The following ASH1L variants were observed in gnomAD, a reference collection of about 807,000 sequenced individuals.
ASH1L encodes the protein histone-lysine N-methyltransferase ASH1L.
ASH1L carries 23 observed loss-of-function variants against 269.0 expected under a neutral mutation model. That is an observed-to-expected ratio of 0.09 (90% confidence interval 0.06 to 0.12). ASH1L has a LOEUF of 0.12. Ranked by LOEUF, ASH1L falls within the 10% of genes least tolerant of loss-of-function variation. The probability of loss-of-function intolerance (pLI) is 1.00; values close to 1 mark genes in which losing one functional copy is unlikely to be tolerated. For missense variants in ASH1L, 2,912 were observed against 3,567.8 expected, an observed-to-expected ratio of 0.82 and a Z score of 4.68; for synonymous variants, 1,187 against 1,253.5, an observed-to-expected ratio of 0.95 and a Z score of 1.12.
intron 5 of ASH1L, chr1:155,433,972 C>T: frequency 3.2e-6 from 5 of 1,582,396 alleles, no homozygotes; most frequent in Non-Finnish European, 4.3e-6. Flanking sequence ...GCCACATCGC[C>T]CAGCAGCTTG....
At chr1:155,413,813 C>T (rs566695063) in intron 6 of ASH1L, among the ~76,000 whole-genome samples, 1 of 152,028 alleles carries the variant, frequency 6.6e-6, no homozygotes, top group Non-Finnish European at 1.5e-5. Context: ...CCATTATGAA[C>T]TTTGAACTAC....
chr1:155,521,446 G>A lies in ASH1L; in HGVS notation c.74C>T (p.Ala25Val), dbSNP rs1470664170. The change falls in exon 2 of 28, where the codon GCC becomes GTC. Residue 25 changes from alanine to valine, a missense_variant. Physicochemically the swap from Ala to Val is moderately conservative, Grantham distance 64 (BLOSUM62 0). Coordinates refer to ENST00000392403, the MANE Select transcript of ASH1L (RefSeq NM_018489.3). ...ACTGACCAATGTGCCAGTACTGATGGCAGAAGGACTCTTTCTTGAAAAACC... is the reference window on the plus strand; with the variant it reads ...ACTGACCAATGTGCCAGTACTGATGACAGAAGGACTCTTTCTTGAAAAACC... ...SEGFSRKSPS[A>V]ISTGTLVSKR... 2 of 1,613,888 alleles carry A rather than the reference G, an allele frequency of 1.2e-6. No individual in the cohort carries two copies. Among genetic ancestry groups the A allele is most frequent in the South Asian group, 2.2e-5 (2 of 91,072 alleles).
chr1:155,489,627 G>A (rs575813255), intron 2 of ASH1L, among the ~76,000 whole-genome samples: 86 of 151,828 alleles, frequency 5.7e-4, no homozygotes, highest in South Asian at 5.0e-3. Flanking sequence ...GCATGGTGGC[G>A]GGTGCCTGTA....
At chr1:155,445,772 C>CT (rs1412264897) in intron 4 of ASH1L, among the ~76,000 whole-genome samples, 4 of 152,264 alleles carry the variant, frequency 2.6e-5, no homozygotes, top group South Asian at 4.1e-4. Flanking sequence ...TGACATATCT[C>CT]TCCCACTTAT....
In ASH1L at chr1:155,499,051, A is replaced by G. The variant is rs76898058; in HGVS notation, c.421-16602T>C. Among the ~76,000 whole-genome samples the G allele has an allele frequency of 1.7e-3, 253 of 152,310 alleles. 1 individual carries two copies. In the East Asian group the frequency reaches 0.023, roughly 14 times the overall value. ...CACAATGGGCTTTTCTTAAATTACA[A>G]AACCATTAGATGCTGAACTTGAATT... is the stretch of plus-strand genomic sequence containing the variant. On this transcript the variant is annotated intron_variant, in intron 2 of 27. Coordinates refer to ENST00000392403, the MANE Select transcript of ASH1L (RefSeq NM_018489.3).
intron 3 of ASH1L, among the ~76,000 whole-genome samples, chr1:155,475,951 A>T (rs1665504764): frequency 6.6e-6 from 1 of 152,168 alleles, no homozygotes; most frequent in Non-Finnish European, 1.5e-5. Flanking sequence ...GACTCAATGA[A>T]CCTGTGTGCC....
At chr1:155,373,361 C>T (rs1008667795) in intron 10 of ASH1L, among the ~76,000 whole-genome samples, 2 of 151,808 alleles carry the variant, frequency 1.3e-5, no homozygotes, top group Non-Finnish European at 2.9e-5. Context: ...AATAATGGCT[C>T]GCTGCAGCTC....
At chr1:155,428,444 A>AC in intron 5 of ASH1L, among the ~76,000 whole-genome samples, 1 of 150,036 alleles carries the variant, frequency 6.7e-6, no homozygotes, top group Non-Finnish European at 1.5e-5. Context: ...TTCCGTCTCA[A>AC]AAAAAAAAAT....
chr1:155,449,242 C>CT (rs1215423022), intron 4 of ASH1L, among the ~76,000 whole-genome samples: 1 of 151,960 alleles, frequency 6.6e-6, no homozygotes, highest in Admixed American at 6.6e-5. Context: ...CCCTATGTGT[C>CT]TTTCATTTTT....
intron 4 of ASH1L, among the ~76,000 whole-genome samples, chr1:155,443,440 A>T (rs1240191942): frequency 1.3e-5 from 2 of 152,200 alleles, no homozygotes; most frequent in African/African-American, 4.8e-5. Context: ...AATTAACTTC[A>T]CTGTGGTAAA....
intron 1 of ASH1L, among the ~76,000 whole-genome samples, chr1:155,542,094 C>T (rs1670460336): frequency 6.6e-6 from 1 of 152,020 alleles, no homozygotes; most frequent in African/African-American, 2.4e-5. Context: ...AAAAATATAA[C>T]TGCAATTCTG....
At chr1:155,515,159 C>T (rs1668412304) in intron 2 of ASH1L, among the ~76,000 whole-genome samples, 1 of 152,176 alleles carries the variant, frequency 6.6e-6, no homozygotes, top group Admixed American at 6.5e-5. Flanking sequence ...AACTGCAATG[C>T]CTGCCGCCAG....
chr1:155,424,912 T>G (rs555547411), intron 5 of ASH1L, among the ~76,000 whole-genome samples: 1 of 152,044 alleles, frequency 6.6e-6, no homozygotes, highest in Non-Finnish European at 1.5e-5. Context: ...GTTCAAATGA[T>G]TCTGCCTCAG....
intron 1 of ASH1L, among the ~76,000 whole-genome samples, chr1:155,525,470 A>G (rs1285011859): frequency 6.6e-6 from 1 of 151,784 alleles, no homozygotes; most frequent in East Asian, 1.9e-4. Flanking sequence ...GGCTTGATTA[A>G]GTTAGTAAAG....
chr1:155,410,195 C>G (rs1209217089), intron 6 of ASH1L, among the ~76,000 whole-genome samples: 1 of 152,026 alleles, frequency 6.6e-6, no homozygotes, highest in Non-Finnish European at 1.5e-5. Context: ...GTCATGAACA[C>G]AACTCACTGC....
At chr1:155,550,497 T>TC (rs1353795193) in intron 1 of ASH1L, among the ~76,000 whole-genome samples, 3 of 152,140 alleles carry the variant, frequency 2.0e-5, no homozygotes, top group African/African-American at 4.8e-5. Flanking sequence ...CTATCACTAT[T>TC]CCCCCCTTTA....
intron 3 of ASH1L, among the ~76,000 whole-genome samples, chr1:155,464,749 T>C (rs1364128007): frequency 2.0e-5 from 3 of 152,202 alleles, no homozygotes; most frequent in African/African-American, 4.8e-5. Flanking sequence ...ATTTTAATTA[T>C]AGACTCTCTG....
chr1:155,537,752 T>C (rs5020058), intron 1 of ASH1L, among the ~76,000 whole-genome samples: 1 of 146,872 alleles, frequency 6.8e-6, no homozygotes, highest in African/African-American at 2.7e-5. Context: ...TTTTTTTTTT[T>C]TAAAAAAAGC....
chr1:155,447,976 T>C (rs1663160835), intron 4 of ASH1L, among the ~76,000 whole-genome samples: 1 of 152,248 alleles, frequency 6.6e-6, no homozygotes. Context: ...TCTCTTATAG[T>C]AGTTTCATAC....
Sources: gnomAD v4.1 joint callset for allele counts (sites outside exome capture counted in the v4.1 genomes callset) on GRCh38, gnomAD v4.1.1 for gene constraint, MANE v1.5 for transcripts, NCBI Gene and HGNC (gene_info 2026-07-23, HGNC 2026-07-21) for gene names.